Variants in LRP1B observed in about 807,000 individuals in gnomAD.
LRP1B encodes the protein LDL receptor related protein 1B, also known as low-density lipoprotein receptor-related protein 1B.
Under a neutral mutation model 556.6 loss-of-function variants are expected in LRP1B, and 217 were observed. The ratio of observed to expected loss-of-function variants is 0.39; its 90% CI spans 0.35 to 0.44. The LOEUF (loss-of-function observed/expected upper bound fraction) is 0.44. Ranked by LOEUF, LRP1B falls within the 20% of genes least tolerant of loss-of-function variation. The pLI is 1.00. For synonymous variants in LRP1B, 2,047 were observed against 1,865.8 expected (o/e 1.10, Z -2.50); for missense variants, 5,053 against 5,620.8 (o/e 0.90, Z 3.23).
At chr2:141,876,185 T>C (rs1163088202) in intron 1 of LRP1B, among the ~76,000 whole-genome samples, 1 of 151,982 alleles carries the variant, frequency 6.6e-6, no homozygotes, top group East Asian at 1.9e-4. Context: ...TAAAATCTTA[T>C]GCAATATTTT....
intron 18 of LRP1B, among the ~76,000 whole-genome samples, chr2:140,969,683 T>C (rs1696348998): frequency 6.6e-6 from 1 of 152,200 alleles, no homozygotes; most frequent in Admixed American, 6.5e-5. Flanking sequence ...GTTCCATGTT[T>C]AGTGCTTCCT....
intron 66 of LRP1B, among the ~76,000 whole-genome samples, chr2:140,395,546 G>T (rs575889207): frequency 6.6e-6 from 1 of 152,318 alleles, no homozygotes; most frequent in South Asian, 2.1e-4. Context: ...CAGCAGTTAA[G>T]AATAACAGTG....
intron 20 of LRP1B, among the ~76,000 whole-genome samples, chr2:140,947,255 G>A (rs1368577565): frequency 6.6e-6 from 1 of 152,108 alleles, no homozygotes; most frequent in African/African-American, 2.4e-5. Context: ...TTTCTGAAAC[G>A]AAGATTATAT....
At chr2:141,534,554 A>C (rs535082580) in intron 2 of LRP1B, among the ~76,000 whole-genome samples, 1 of 152,108 alleles carries the variant, frequency 6.6e-6, no homozygotes, top group East Asian at 1.9e-4. Context: ...ATCACTCCTG[A>C]GGTCTAAATA....
At chr2:140,653,953 A>G (rs2105326019) in intron 41 of LRP1B, among the ~76,000 whole-genome samples, 1 of 132,336 alleles carries the variant, frequency 7.6e-6, no homozygotes, top group Admixed American at 8.9e-5. Context: ...TGAACCTGGG[A>G]GGTGGAGGTT....
intron 2 of LRP1B, among the ~76,000 whole-genome samples, chr2:141,771,652 A>G (rs573989655): frequency 2.3e-4 from 35 of 152,290 alleles, no homozygotes; most frequent in African/African-American, 8.4e-4. Flanking sequence ...GTGTCCCCTC[A>G]ACAGTCATAT....
intron 3 of LRP1B, among the ~76,000 whole-genome samples, chr2:141,392,155 T>C (rs1690072656): frequency 6.6e-6 from 1 of 152,180 alleles, no homozygotes; most frequent in African/African-American, 2.4e-5. Context: ...TTGTTCAATG[T>C]GTTTAAATAG....
At chr2:140,703,439 T>C (rs1372456508) in intron 37 of LRP1B, among the ~76,000 whole-genome samples, 3 of 152,128 alleles carry the variant, frequency 2.0e-5, no homozygotes, top group African/African-American at 2.4e-5. Flanking sequence ...CAGAAATCCA[T>C]GCTTTTAGAT....
At chr2:141,486,785 G>T (rs1683136243) in intron 2 of LRP1B, among the ~76,000 whole-genome samples, 1 of 134,406 alleles carries the variant, frequency 7.4e-6, no homozygotes, top group Non-Finnish European at 1.6e-5. Context: ...TTTCCTTCAA[G>T]CAGTATCCCT....
chr2:141,042,725 G>T (rs1027561272), intron 11 of LRP1B, among the ~76,000 whole-genome samples: 1 of 151,964 alleles, frequency 6.6e-6, no homozygotes, highest in Non-Finnish European at 1.5e-5. Context: ...GAGCAATCTT[G>T]ATACAGAGTA....
intron 3 of LRP1B, among the ~76,000 whole-genome samples, chr2:141,344,319 TG>T (rs1688171059): frequency 1.3e-5 from 2 of 152,212 alleles, no homozygotes; most frequent in South Asian, 4.1e-4. Context: ...AACAAGGTCC[TG>T]TTATCATTCT....
chr2:141,952,860 A>G (rs1313612577), intron 1 of LRP1B, among the ~76,000 whole-genome samples: 1 of 152,162 alleles, frequency 6.6e-6, no homozygotes, highest in Non-Finnish European at 1.5e-5. Context: ...TTTCAATGAA[A>G]GCCTTCATGC....
At chr2:141,433,763 A>G (rs180791421) in intron 3 of LRP1B, among the ~76,000 whole-genome samples, 20 of 151,726 alleles carry the variant, frequency 1.3e-4, no homozygotes, top group Admixed American at 2.0e-4. Flanking sequence ...TTTTTCCTAC[A>G]TGGAGTTTGT....
rs1261536083 is a variant in LRP1B at position 140,335,163 on chromosome 2, ACT to A, written c.12116+450_12116+451del. On this transcript the variant is annotated intron_variant, in intron 78 of 90. Transcript: ENST00000389484. ...TAAAAGAAGGAAATGTCTGTAACAC[ACT>A]CTTTAAATTTGTGTGTGTGTGTGCA... Among the ~76,000 whole-genome samples, 3 of 149,906 alleles carry A rather than the reference ACT, an allele frequency of 2.0e-5. No homozygotes were observed. The East Asian group carries it at 5.9e-4, about 29-fold the overall frequency.
chr2:140,590,556 TTCTCTCTC>T (rs56276353), intron 43 of LRP1B, among the ~76,000 whole-genome samples: 46,196 of 147,264 alleles, frequency 0.31, 7,308 homozygotes, highest in African/African-American at 0.36. Flanking sequence ...CTAGATCTCT[TTCTCTCTC>T]TCTCTCTCTC....
intron 3 of LRP1B, among the ~76,000 whole-genome samples, chr2:141,270,836 T>A (rs1200702626): frequency 6.6e-6 from 1 of 151,942 alleles, no homozygotes; most frequent in Non-Finnish European, 1.5e-5. Context: ...AGAGTTTCAG[T>A]ATGAGAAGAT....
chr2:141,534,811 C>G (rs560402042), intron 2 of LRP1B, among the ~76,000 whole-genome samples: 3 of 152,058 alleles, frequency 2.0e-5, no homozygotes, highest in Non-Finnish European at 4.4e-5. Context: ...TCCTTTTGGT[C>G]CTAAACTCAG....
At chr2:140,812,883 C>T (rs1161718740) in intron 32 of LRP1B, among the ~76,000 whole-genome samples, 1 of 152,082 alleles carries the variant, frequency 6.6e-6, no homozygotes, top group Non-Finnish European at 1.5e-5. Flanking sequence ...CCCTCACCTA[C>T]CACAAACTTC....
chr2:140,994,785 T>C (rs1697194529), intron 15 of LRP1B, among the ~76,000 whole-genome samples: 1 of 152,072 alleles, frequency 6.6e-6, no homozygotes, highest in Non-Finnish European at 1.5e-5. Flanking sequence ...AAATATGTGA[T>C]ACTCATAAAG....
Sources: gnomAD v4.1 joint callset for allele counts (sites outside exome capture counted in the v4.1 genomes callset) on GRCh38, gnomAD v4.1.1 for gene constraint, MANE v1.5 for transcripts, NCBI Gene and HGNC (gene_info 2026-07-23, HGNC 2026-07-21) for gene names.